The following DUXA variants were observed in gnomAD, a reference collection of about 807,000 sequenced individuals.
The protein encoded by DUXA is double homeobox A, also known as double homeobox protein A.
In DUXA, 25 loss-of-function variants were observed where a neutral mutation model predicts 27.5. That is an observed-to-expected ratio of 0.91 (90% CI 0.66 to 1.27). The LOEUF is 1.27. Ranked by LOEUF, DUXA falls within the 50% of genes most tolerant of loss-of-function variation. The pLI is 0.00. For synonymous variants in DUXA, 90 were observed against 80.5 expected (o/e 1.12, Z -0.63); for missense variants, 247 against 242.9 (o/e 1.02, Z -0.11).
chr19:57,165,543 C>T lies in DUXA; in HGVS notation c.25+1876G>A, dbSNP rs954351523. Among the ~76,000 whole-genome samples the T allele has an allele frequency of 2.8e-4, 42 of 150,614 alleles. 1 individual carries two copies. Among genetic ancestry groups the T allele is most frequent in the Admixed American group, 7.9e-4 (12 of 15,098 alleles). ...GACCCTGGCCGGGCACGGTGGCTCA[C>T]GCCTGTAATCCCAGCACTTTGGGAG... On this transcript the variant is annotated intron_variant, in intron 1 of 5. Coordinates refer to ENST00000554048, the MANE Select transcript of DUXA (RefSeq NM_001012729.2).
At position 57,154,362 on chromosome 19, in the gene DUXA, C is replaced by G. The variant is rs1401172628; in HGVS notation, c.*50G>C. Reference sequence around the variant, plus strand: ...ATAGACTCCCAGGAAGACCGTGAGACAGATTTGGGGTCCAGTTGATATTAT... The same window carrying G: ...ATAGACTCCCAGGAAGACCGTGAGAGAGATTTGGGGTCCAGTTGATATTAT... On this transcript the variant is annotated 3_prime_UTR_variant, in exon 6 of 6. Coordinates refer to ENST00000554048, the MANE Select transcript of DUXA (RefSeq NM_001012729.2). 1.3e-6 allele frequency: 2 copies of G among 1,536,146 alleles called. No homozygotes were observed. The highest frequency in any genetic ancestry group is 2.2e-5 in the South Asian group (2 of 89,360).
chr19:57,155,174 C>T (rs2086986197), intron 5 of DUXA, 93 bp downstream of exon 5: 2 of 1,171,192 alleles, frequency 1.7e-6, no homozygotes, highest in Non-Finnish European at 2.5e-6. Flanking sequence ...TATCCTCCAC[C>T]TCCCAGGAGG....
chr19:57,162,653 C>A (rs2087030324), intron 1 of DUXA, among the ~76,000 whole-genome samples: 1 of 152,190 alleles, frequency 6.6e-6, no homozygotes, highest in South Asian at 2.1e-4. Context: ...CGGCTCACTG[C>A]AACCTCCACC....
chr19:57,156,788 C>T (rs997769290), intron 4 of DUXA, among the ~76,000 whole-genome samples: 3 of 152,144 alleles, frequency 2.0e-5, no homozygotes, highest in Admixed American at 6.5e-5. Flanking sequence ...CCTCAGCCTC[C>T]GGAGTAGCTG....
At chr19:57,162,236 G>A (rs2087027942) in intron 1 of DUXA, among the ~76,000 whole-genome samples, 1 of 151,944 alleles carries the variant, frequency 6.6e-6, no homozygotes, top group South Asian at 2.1e-4. Context: ...AGCAATAACA[G>A]GCAAACAGTA....
At position 57,161,193 on chromosome 19, in the gene DUXA, C is replaced by T. The variant is rs145432568; in HGVS notation, c.26-396G>A. Among the ~76,000 whole-genome samples, 5 of 151,380 alleles carry T rather than the reference C, an allele frequency of 3.3e-5. No individual in the cohort carries two copies. In the East Asian group the frequency reaches 5.8e-4, roughly 18 times the overall value. ...ACAAAAAATTAGCCAGTCGTGGTGG[C>T]GTGTGCCTGTAATCCCAGCTACTCA... On this transcript the variant is annotated intron_variant, in intron 1 of 5. Transcript: ENST00000554048.
intron 1 of DUXA, among the ~76,000 whole-genome samples, chr19:57,165,665 C>T (rs1228778857): frequency 2.6e-5 from 4 of 151,684 alleles, no homozygotes; most frequent in African/African-American, 9.7e-5. Flanking sequence ...ATTAGCCAGG[C>T]GTGGTGGCGG....
At chr19:57,164,589 T>TA (rs2087041963) in intron 1 of DUXA, among the ~76,000 whole-genome samples, 1 of 151,820 alleles carries the variant, frequency 6.6e-6, no homozygotes, top group East Asian at 1.9e-4. Flanking sequence ...AAAATAAAAT[T>TA]AAAAATAATT....
At chr19:57,161,504 T>C (rs924229484) in intron 1 of DUXA, among the ~76,000 whole-genome samples, 2 of 148,566 alleles carry the variant, frequency 1.3e-5, no homozygotes, top group Admixed American at 1.3e-4. Context: ...GCACCTGTAG[T>C]CCCAGCTACT....
At position 57,155,320 on chromosome 19, in the gene DUXA, G is replaced by A; in HGVS notation, c.491C>T (p.Pro164Leu). The A allele has an allele frequency of 6.2e-7, 1 of 1,614,194 alleles. No homozygotes were observed. The highest frequency in any genetic ancestry group is 1.1e-5 in the South Asian group (1 of 91,080). The change falls in exon 5 of 6, where the codon CCT (proline) becomes CTT (leucine). Residue 164 changes from proline (P) to leucine (L), a missense_variant. By Grantham distance (98) the Pro-to-Leu change is moderately conservative. Coordinates refer to ENST00000554048, the MANE Select transcript of DUXA (RefSeq NM_001012729.2). ...SRLLLQRKRE[P>L]VASLEQEEQG... ...CTCTTCTTGTTCTAAGGACGCCACA[G>A]GTTCCCTTTTTCTCTGGAGAAGTAA...
chr19:57,165,327 ATATATATATATATATATG>A (rs2087047791), intron 1 of DUXA, among the ~76,000 whole-genome samples: 4 of 77,768 alleles, frequency 5.1e-5, no homozygotes, highest in Non-Finnish European at 9.0e-5. Context: ...AAAAAAAAAT[ATATATATATATATATATG>A]TATATATATA....
In DUXA at chr19:57,154,261, T is replaced by A; in HGVS notation, c.*151A>T. 4 of 667,270 alleles carry A rather than the reference T, an allele frequency of 6.0e-6. 1 individual carries two copies. The South Asian group carries it at 7.5e-5, about 12-fold the overall frequency. The allele number at this position is 667,270 out of a possible 1,614,324, so 41.3% of individuals were successfully genotyped here. A position where few individuals can be genotyped will look rare whatever the true frequency, so the allele number is the denominator to read the frequency against. On this transcript the variant is annotated 3_prime_UTR_variant, in exon 6 of 6. Transcript: ENST00000554048. Reference sequence around the variant, plus strand: ...CCTTGGCCTCCCAAAGTAGTGGGATTACAAGTGTGACCCACCACATCTGGC... The same window carrying A: ...CCTTGGCCTCCCAAAGTAGTGGGATAACAAGTGTGACCCACCACATCTGGC...
intron 4 of DUXA, among the ~76,000 whole-genome samples, chr19:57,155,785 C>T (rs1225719451): frequency 1.3e-5 from 2 of 152,066 alleles, no homozygotes; most frequent in Non-Finnish European, 2.9e-5. Flanking sequence ...TCTCCTGCCT[C>T]AGCCTCCCAA....
intron 1 of DUXA, among the ~76,000 whole-genome samples, chr19:57,163,598 C>G (rs2087035778): frequency 6.6e-6 from 1 of 152,154 alleles, no homozygotes; most frequent in African/African-American, 2.4e-5. Context: ...CACCTGCCAC[C>G]ATGCCTGGCT....
chr19:57,166,290 C>CA (rs142143045), intron 1 of DUXA, among the ~76,000 whole-genome samples: 237 of 152,248 alleles, frequency 1.6e-3, no homozygotes, highest in African/African-American at 5.5e-3. Flanking sequence ...AGATAAGTGA[C>CA]ATAATTTAAT....
At chr19:57,154,603 G>T (rs947172599) in intron 5 of DUXA, 121 bp from the exon 6 acceptor site, 13 of 750,888 alleles carry the variant, frequency 1.7e-5, no homozygotes, top group Admixed American at 2.8e-5. Context: ...TCACTTTGTC[G>T]CCCAGGCTGG....
rs1444716233 is a variant in DUXA at position 57,161,769 on chromosome 19, T to A, written c.26-972A>T. ...CTAAGTCAAGAATGCATGCAATATG[T>A]CATTGTAGTGATGAAACCATAGAAA... On this transcript the variant is annotated intron_variant, in intron 1 of 5. Coordinates refer to ENST00000554048, the MANE Select transcript of DUXA (RefSeq NM_001012729.2). 3.9e-5 allele frequency among the ~76,000 whole-genome samples: 6 copies of A among 152,326 alleles called. 1 individual carries two copies. The East Asian group carries it at 1.2e-3, about 29-fold the overall frequency.
chr19:57,163,605 G>T (rs577234566), intron 1 of DUXA, among the ~76,000 whole-genome samples: 2 of 152,112 alleles, frequency 1.3e-5, no homozygotes, highest in South Asian at 2.1e-4. Context: ...CACCATGCCT[G>T]GCTAATTTTT....
At chr19:57,160,494 A>G (rs1388298134) in intron 2 of DUXA, 149 bp downstream of exon 2, 6 of 938,764 alleles carry the variant, frequency 6.4e-6, no homozygotes, top group Non-Finnish European at 7.9e-6. Context: ...AAGTGAGGCT[A>G]AGACCAACAC....
Sources: gnomAD v4.1 joint callset for allele counts (sites outside exome capture counted in the v4.1 genomes callset) on GRCh38, gnomAD v4.1.1 for gene constraint, MANE v1.5 for transcripts, NCBI Gene and HGNC (gene_info 2026-07-23, HGNC 2026-07-21) for gene names.